Variants in POU6F2 observed in about 807,000 individuals in gnomAD.
POU6F2 encodes POU class 6 homeobox 2, also known as POU domain, class 6, transcription factor 2.
POU6F2 carries 31 observed loss-of-function variants against 71.3 expected under a neutral mutation model. The ratio of observed to expected loss-of-function variants is 0.43; its 90% confidence interval spans 0.33 to 0.59. POU6F2 has a LOEUF of 0.59. Among genes scored for constraint, POU6F2 ranks in the 20% least tolerant of loss-of-function variants. The pLI is 0.04. For missense variants in POU6F2, 783 were observed against 856.8 expected (o/e 0.91, Z 1.07); for synonymous variants, 347 against 355.7 (o/e 0.98, Z 0.27).
At chr7:39,340,247 G>A in intron 5 of POU6F2, among the ~76,000 whole-genome samples, 1 of 152,214 alleles carries the variant, frequency 6.6e-6, no homozygotes, top group Admixed American at 6.5e-5. Context: ...AAGGATAAAT[G>A]TTATCTGTTT....
chr7:39,125,084 CT>C (rs1032758617), intron 2 of POU6F2, among the ~76,000 whole-genome samples: 2 of 151,928 alleles, frequency 1.3e-5, no homozygotes, highest in African/African-American at 2.4e-5. Context: ...TACCACAATC[CT>C]TTTTTTCTTT....
chr7:39,450,412 C>T (rs1788630529), intron 7 of POU6F2, among the ~76,000 whole-genome samples: 1 of 152,170 alleles, frequency 6.6e-6, no homozygotes, highest in African/African-American at 2.4e-5. Context: ...AATGCTGAGG[C>T]TCCTTGTCTA....
At position 39,433,083 on chromosome 7, in the gene POU6F2, G is replaced by C; in HGVS notation, c.1120G>C (p.Gly374Arg). 6.2e-7 allele frequency: 1 copy of C among 1,612,626 alleles called. No individual in the cohort carries two copies. The highest frequency in any genetic ancestry group is 8.5e-7 in the Non-Finnish European group (1 of 1,179,192). Residue 374 changes from glycine (G) to arginine (R), a missense_variant, in exon 7 of 10, where the codon GGG (glycine) becomes CGG (arginine). Gly to Arg is a moderately radical substitution (Grantham distance 125). This residue lies in a region of POU6F2 where 572 missense variants were observed against 572.9 expected (regional missense o/e 1.00). Coordinates refer to ENST00000518318, the MANE Select transcript of POU6F2 (RefSeq NM_001370959.1). ...CTTTGGCCCTCTCTTGCAGATTATC[G>C]GGACCATTCCACTGATGCCTAATCC... The part of the protein sequence containing the change: ...LVTNAQGQII[G>R]TIPLMPNPGP...
intron 5 of POU6F2, among the ~76,000 whole-genome samples, chr7:39,405,436 T>C (rs1323488938): frequency 6.6e-6 from 1 of 152,218 alleles, no homozygotes; most frequent in Non-Finnish European, 1.5e-5. Flanking sequence ...AGGTATGGCA[T>C]TAATTTTTTT....
Position 39,420,956 on chromosome 7 carries a change from C to T in POU6F2, c.1114-12121C>T, listed in dbSNP as rs78305415. On this transcript the variant is annotated intron_variant, in intron 6 of 9. Coordinates refer to ENST00000518318, the MANE Select transcript of POU6F2 (RefSeq NM_001370959.1). Reference sequence around the variant, plus strand: ...ATTAGCAATAAGAAATCATATTTCACAAGGACCAAATTTGAAGTGCCTTGC... The same window carrying T: ...ATTAGCAATAAGAAATCATATTTCATAAGGACCAAATTTGAAGTGCCTTGC... Among the ~76,000 whole-genome samples the T allele has an allele frequency of 5.1e-4, 78 of 152,254 alleles. 1 individual carries two copies. In the East Asian group the frequency reaches 0.014, roughly 27 times the overall value.
At chr7:39,078,714 C>A (rs11761423) in intron 1 of POU6F2, among the ~76,000 whole-genome samples, 17,577 of 152,170 alleles carry the variant, frequency 0.12, 1,054 homozygotes, top group Middle Eastern at 0.17. Context: ...GCTTTGCAGG[C>A]CATAAAGCAA....
chr7:39,132,668 G>A (rs1315848475), intron 2 of POU6F2: 4 of 152,210 alleles, frequency 2.6e-5, no homozygotes, highest in Non-Finnish European at 5.9e-5. Context: ...TGCTGTTAAC[G>A]TGGCTTGTCA....
At chr7:39,106,605 A>G (rs1392665045) in intron 2 of POU6F2, among the ~76,000 whole-genome samples, 4 of 152,246 alleles carry the variant, frequency 2.6e-5, no homozygotes, top group Non-Finnish European at 4.4e-5. Context: ...TTAAACTCCT[A>G]TTATTGGACA....
chr7:39,352,622 A>T (rs1025273116), intron 5 of POU6F2, among the ~76,000 whole-genome samples: 1 of 152,334 alleles, frequency 6.6e-6, no homozygotes, highest in Admixed American at 6.5e-5. Flanking sequence ...AATGACATTC[A>T]TAGTAAGCAT....
chr7:39,288,378 T>C (rs1464232442), intron 4 of POU6F2, among the ~76,000 whole-genome samples: 1 of 152,180 alleles, frequency 6.6e-6, no homozygotes, highest in Non-Finnish European at 1.5e-5. Context: ...GGCATAATCA[T>C]GCTCATCTCA....
At chr7:39,093,565 T>C (rs1791396401) in intron 2 of POU6F2, among the ~76,000 whole-genome samples, 1 of 152,122 alleles carries the variant, frequency 6.6e-6, no homozygotes, top group Admixed American at 6.6e-5. Flanking sequence ...TTCTTAGTGT[T>C]TCATCTTTTC....
chr7:39,132,934 G>A (rs1007525766), intron 2 of POU6F2, among the ~76,000 whole-genome samples: 1 of 151,920 alleles, frequency 6.6e-6, no homozygotes, highest in Non-Finnish European at 1.5e-5. Context: ...ATATGATGTC[G>A]AACTAACATC....
At chr7:39,041,979 G>A (rs987149739) in intron 1 of POU6F2, among the ~76,000 whole-genome samples, 2 of 151,928 alleles carry the variant, frequency 1.3e-5, no homozygotes, top group Non-Finnish European at 2.9e-5. Context: ...ATTTACAAAC[G>A]TTATGGTCAG....
chr7:39,279,910 A>G (rs1784529843), intron 4 of POU6F2, among the ~76,000 whole-genome samples: 1 of 151,962 alleles, frequency 6.6e-6, no homozygotes, highest in Non-Finnish European at 1.5e-5. Flanking sequence ...CTACGCCCAG[A>G]TAAGTTTTTA....
chr7:39,355,323 T>C (rs1786231744), intron 5 of POU6F2, among the ~76,000 whole-genome samples: 1 of 152,198 alleles, frequency 6.6e-6, no homozygotes, highest in African/African-American at 2.4e-5. Flanking sequence ...ACAGAAAGGC[T>C]ACAAATTTTT....
chr7:39,149,858 C>G (rs1584568878), intron 2 of POU6F2, among the ~76,000 whole-genome samples: 1 of 151,136 alleles, frequency 6.6e-6, no homozygotes, highest in South Asian at 2.1e-4. Flanking sequence ...TCAGTTTCAT[C>G]CATTTTGTGG....
chr7:39,367,306 T>C lies in POU6F2; in HGVS notation c.972+27291T>C, dbSNP rs551310353. ...TGATCTTGGGAAGCCATTTGTCCGA[T>C]AGCCACCACCCATGCTGTGAAAATA... On this transcript the variant is annotated intron_variant, in intron 5 of 9. Coordinates refer to ENST00000518318, the MANE Select transcript of POU6F2 (RefSeq NM_001370959.1). Among the ~76,000 whole-genome samples the C allele has an allele frequency of 4.6e-5, 7 of 152,206 alleles. No homozygotes were observed. In the South Asian group the frequency reaches 6.2e-4, roughly 14 times the overall value.
intron 4 of POU6F2, among the ~76,000 whole-genome samples, chr7:39,210,367 T>A (rs1196977005): frequency 1.3e-5 from 2 of 152,082 alleles, no homozygotes; most frequent in East Asian, 3.8e-4. Context: ...CTCTAGCCTG[T>A]CTATTCTTCT....
chr7:39,289,663 G>A (rs772884576), intron 4 of POU6F2, among the ~76,000 whole-genome samples: 2 of 152,304 alleles, frequency 1.3e-5, no homozygotes, highest in South Asian at 4.1e-4. Context: ...AAAAGAAAAT[G>A]TATACAGTCA....
Sources: allele counts gnomAD v4.1 joint callset (sites outside exome capture counted in the v4.1 genomes callset), GRCh38; gene constraint gnomAD v4.1.1; regional missense constraint gnomAD v4.1.1; transcripts MANE v1.5; gene names NCBI Gene and HGNC (gene_info 2026-07-23, HGNC 2026-07-21).